Variants in TOLLIP observed in about 807,000 individuals in gnomAD.
TOLLIP encodes toll interacting protein.
A neutral mutation model predicts 33.5 loss-of-function variants in TOLLIP; 16 were observed. The ratio of observed to expected loss-of-function variants is 0.48; its 90% CI spans 0.32 to 0.72. The LOEUF (loss-of-function observed/expected upper bound fraction) is 0.72. TOLLIP is among the 30% of genes least tolerant of loss of function. The probability of loss-of-function intolerance (pLI) is 0.03; values close to 1 mark genes in which losing one functional copy is unlikely to be tolerated. For synonymous variants in TOLLIP, 176 were observed against 163.7 expected, an observed-to-expected ratio of 1.07 and a Z score of -0.57; for missense variants, 325 against 396.6, an observed-to-expected ratio of 0.82 and a Z score of 1.53.
chr11:1,295,580 T>C, intron 2 of TOLLIP, 65 bp downstream of exon 2: 1 of 1,432,718 alleles, frequency 7.0e-7, no homozygotes, highest in African/African-American at 1.4e-5. Context: ...AACGCCGAAA[T>C]CCGAAATCCC....
intron 1 of TOLLIP, among the ~76,000 whole-genome samples, chr11:1,299,091 G>A (rs1171272319): frequency 6.6e-6 from 1 of 152,264 alleles, no homozygotes; most frequent in Admixed American, 6.5e-5. Context: ...TGTTCCCGGG[G>A]AGGGGAGCGT....
intron 1 of TOLLIP, among the ~76,000 whole-genome samples, chr11:1,297,170 G>C (rs561932224): frequency 3.9e-5 from 6 of 152,132 alleles, no homozygotes; most frequent in Admixed American, 1.3e-4. Context: ...CAAAGTGCAC[G>C]TGCTGAGGCC....
intron 1 of TOLLIP, among the ~76,000 whole-genome samples, chr11:1,308,478 A>C (rs1564983427): frequency 6.6e-6 from 1 of 152,118 alleles, no homozygotes; most frequent in Non-Finnish European, 1.5e-5. Flanking sequence ...TTTTCTTACA[A>C]ATTACCCAGT....
At position 1,303,833 on chromosome 11, in the gene TOLLIP, C is replaced by T. The variant is rs577913129; in HGVS notation, c.33+5633G>A. ...GGCGGATCACTTGAGACCAGGAGTT[C>T]GAGAACAGCCTGGCCAACATGGTGA... On this transcript the variant is annotated intron_variant, in intron 1 of 5. Transcript: ENST00000317204. This position sits in a 1 kb window ranked among gnomAD's most constrained non-coding sequence, Gnocchi z 4.2. 3.9e-5 allele frequency among the ~76,000 whole-genome samples: 6 copies of T among 152,196 alleles called. No individual in the cohort carries two copies. Among genetic ancestry groups the T allele is most frequent in the Admixed American group, 1.3e-4 (2 of 15,294 alleles).
chr11:1,277,449 G>A lies in TOLLIP; in HGVS notation c.611-196C>T, dbSNP rs576121845. Among the ~76,000 whole-genome samples the A allele has an allele frequency of 2.8e-4, 43 of 152,328 alleles. No individual in the cohort carries two copies. The South Asian group carries it at 7.0e-3, about 25-fold the overall frequency. On this transcript the variant is annotated intron_variant, in intron 5 of 5. Transcript: ENST00000317204. The surrounding 1 kb of genome is among the most constrained non-coding windows in gnomAD (Gnocchi z 4.2). ...AAACAGCAACCCCAGGCACAGCCAC[G>A]GGGAAGGTGGGCAGGGCCCTCTGTG...
chr11:1,283,691 A>C (rs1301965542), intron 5 of TOLLIP: 3 of 408,276 alleles, frequency 7.3e-6, no homozygotes, highest in Non-Finnish European at 1.5e-5. Flanking sequence ...AATTAGGGAT[A>C]GGAACCAGAA....
chr11:1,286,672 G>A (rs937553241), intron 4 of TOLLIP, among the ~76,000 whole-genome samples: 1 of 151,758 alleles, frequency 6.6e-6, no homozygotes. Context: ...ATAAGTCACT[G>A]CACCGCTGTC....
At position 1,278,516 on chromosome 11, in the gene TOLLIP, C is replaced by T. The variant is rs1193908494; in HGVS notation, c.611-1263G>A. Among the ~76,000 whole-genome samples, 3 of 152,154 alleles carry T rather than the reference C, an allele frequency of 2.0e-5. No individual in the cohort carries two copies. Among genetic ancestry groups the T allele is most frequent in the African/African-American group, 7.2e-5 (3 of 41,438 alleles). On this transcript the variant is annotated intron_variant, in intron 5 of 5. Transcript: ENST00000317204. This position sits in a 1 kb window ranked among gnomAD's most constrained non-coding sequence, Gnocchi z 4.7. ...CAGACAGGGCTTGCCACCAAGCCTC[C>T]TGCACCTGCTGCAAAGGCCAGGACT...
At chr11:1,307,126 C>T (rs1864440594) in intron 1 of TOLLIP, among the ~76,000 whole-genome samples, 1 of 152,214 alleles carries the variant, frequency 6.6e-6, no homozygotes, top group Admixed American at 6.5e-5. Context: ...ATCCTGAACG[C>T]CACAGTTGGT....
intron 5 of TOLLIP, among the ~76,000 whole-genome samples, chr11:1,284,632 A>T (rs987672462): frequency 1.3e-5 from 2 of 151,984 alleles, no homozygotes; most frequent in African/African-American, 4.8e-5. Context: ...TAGAGGCATG[A>T]GCCCCCACAC....
At position 1,278,884 on chromosome 11, in the gene TOLLIP, C is replaced by T. The variant is rs558059713; in HGVS notation, c.611-1631G>A. Among the ~76,000 whole-genome samples the T allele has an allele frequency of 3.3e-5, 5 of 152,310 alleles. No homozygotes were observed. Among genetic ancestry groups the T allele is most frequent in the South Asian group, 4.1e-4 (2 of 4,826 alleles). ...CCTGGGATCCCCGTGGCTTTTTGGGCGCCCCGGCTGGCAGGCGGGCAGGAA... is the reference window on the plus strand; with the variant it reads ...CCTGGGATCCCCGTGGCTTTTTGGGTGCCCCGGCTGGCAGGCGGGCAGGAA... On this transcript the variant is annotated intron_variant, in intron 5 of 5. Transcript: ENST00000317204. This position sits in a 1 kb window ranked among gnomAD's most constrained non-coding sequence, Gnocchi z 4.7.
At chr11:1,280,355 C>T (rs1863453075) in intron 5 of TOLLIP, among the ~76,000 whole-genome samples, 1 of 152,170 alleles carries the variant, frequency 6.6e-6, no homozygotes, top group Non-Finnish European at 1.5e-5. Flanking sequence ...CCCCCTTGTC[C>T]ATCCCAGCAG....
At position 1,303,870 on chromosome 11, in the gene TOLLIP, T is replaced by C. The variant is rs994221444; in HGVS notation, c.33+5596A>G. Among the ~76,000 whole-genome samples, 1 of 152,050 alleles carries C rather than the reference T, an allele frequency of 6.6e-6. No homozygotes were observed. The highest frequency in any genetic ancestry group is 1.9e-4 in the East Asian group (1 of 5,180). ...GGCCAACATGGTGAAACCCCATCTCTACTAAAAATACAAAAATTAGCTGGG... is the reference window on the plus strand; with the variant it reads ...GGCCAACATGGTGAAACCCCATCTCCACTAAAAATACAAAAATTAGCTGGG... On this transcript the variant is annotated intron_variant, in intron 1 of 5. Transcript: ENST00000317204. The surrounding 1 kb of genome is among the most constrained non-coding windows in gnomAD (Gnocchi z 4.2).
chr11:1,277,405 C>T lies in TOLLIP; in HGVS notation c.611-152G>A. On this transcript the variant is annotated intron_variant, in intron 5 of 5. Coordinates refer to ENST00000317204, the MANE Select transcript of TOLLIP (RefSeq NM_019009.4). The surrounding 1 kb of genome is among the most constrained non-coding windows in gnomAD (Gnocchi z 4.2). ...AGCAAACACCAGTCCCGCAAGACAC[C>T]CTGGAAAGGCAAACCCCCAAACAGC... is the stretch of plus-strand genomic sequence containing the variant. 1 of 591,494 alleles carries T rather than the reference C, an allele frequency of 1.7e-6. No individual in the cohort carries two copies. The highest frequency in any genetic ancestry group is 2.7e-6 in the Non-Finnish European group (1 of 363,888). 36.6% of individuals were successfully genotyped at this position (591,494 alleles called of 1,614,324 possible). A position where few individuals can be genotyped will look rare whatever the true frequency, so the allele number is the denominator to read the frequency against.
At position 1,288,685 on chromosome 11, in the gene TOLLIP, C is replaced by T. The variant is rs1194600833; in HGVS notation, c.458G>A (p.Ser153Asn). ...GTCGTCCCCCTGCCTCCCGCTCAGG[C>T]TGTACCACTTGTCCTCCACCTTGCC... ...RQGKVEDKWYSLSGRQGDDKE... is the reference protein window; with the variant it reads ...RQGKVEDKWYNLSGRQGDDKE... The change falls in exon 4 of 6, where the codon AGC becomes AAC. Residue 153 changes from serine (S) to asparagine (N), a missense_variant. Ser to Asn is a conservative substitution (Grantham distance 46). Transcript: ENST00000317204. The T allele has an allele frequency of 6.2e-7, 1 of 1,612,848 alleles. No individual in the cohort carries two copies. The highest frequency in any genetic ancestry group is 8.5e-7 in the Non-Finnish European group (1 of 1,179,894).
chr11:1,275,378 G>A lies in TOLLIP; in HGVS notation c.*1661C>T, dbSNP rs959520625. ...TTGTGGTCTGTCCTGGGTTAGAGTT[G>A]TTAATATCACGGAACATACCATCTA... On this transcript the variant is annotated 3_prime_UTR_variant, in exon 6 of 6. Coordinates refer to ENST00000317204, the MANE Select transcript of TOLLIP (RefSeq NM_019009.4). 3 of 152,216 alleles carry A rather than the reference G, an allele frequency of 2.0e-5. No individual in the cohort carries two copies. The highest frequency in any genetic ancestry group is 7.2e-5 in the African/African-American group (3 of 41,444). 9.4% of individuals were successfully genotyped at this position (152,216 alleles called of 1,614,324 possible).
At chr11:1,291,577 C>T (rs1038135055) in intron 2 of TOLLIP, among the ~76,000 whole-genome samples, 1 of 149,330 alleles carries the variant, frequency 6.7e-6, no homozygotes, top group Non-Finnish European at 1.5e-5. Flanking sequence ...CCTCTGAGGG[C>T]ACGGCCACCC....
intron 3 of TOLLIP, 45 bp from the exon 4 acceptor site, chr11:1,288,821 C>T (rs748195691): frequency 2.2e-5 from 35 of 1,585,728 alleles, no homozygotes; most frequent in Non-Finnish European, 2.8e-5. Context: ...AGGGAAGGGG[C>T]CACCCTGCCC....
chr11:1,300,603 T>C (rs1864240333), intron 1 of TOLLIP, among the ~76,000 whole-genome samples: 1 of 152,198 alleles, frequency 6.6e-6, no homozygotes, highest in Non-Finnish European at 1.5e-5. Flanking sequence ...GCTGCTTCCT[T>C]GGGCCACACT....
Sources: allele counts gnomAD v4.1 joint callset (sites outside exome capture counted in the v4.1 genomes callset), GRCh38; gene constraint gnomAD v4.1.1; non-coding constraint Gnocchi (gnomAD v3.1); transcripts MANE v1.5; gene names NCBI Gene and HGNC (gene_info 2026-07-23, HGNC 2026-07-21).